PUS7: variants seen among roughly 807,000 people sequenced by gnomAD.
PUS7 encodes pseudouridine synthase 7, also known as pseudouridylate synthase 7 homolog.
Under a neutral mutation model 79.8 loss-of-function variants are expected in PUS7, and 48 were observed. That is an observed-to-expected ratio of 0.60 (90% CI 0.48 to 0.76). The LOEUF (loss-of-function observed/expected upper bound fraction) is 0.76. Ranked by LOEUF, PUS7 falls within the 30% of genes least tolerant of loss-of-function variation. PUS7 has a pLI of 0.00. For synonymous variants in PUS7, 286 were observed against 272.2 expected (o/e 1.05, Z -0.50); for missense variants, 729 against 797.6 (o/e 0.91, Z 1.04).
At chr7:105,510,995 T>C (rs1363978419) in intron 1 of PUS7, among the ~76,000 whole-genome samples, 2 of 152,100 alleles carry the variant, frequency 1.3e-5, no homozygotes, top group East Asian at 3.9e-4. Flanking sequence ...TATATAAGCA[T>C]CTACAGCAAA....
In PUS7 at chr7:105,508,287, C is replaced by G. The variant is rs141121953; in HGVS notation, c.226G>C (p.Ala76Pro). The G allele has an allele frequency of 5.6e-6, 9 of 1,614,000 alleles. No homozygotes were observed. The highest frequency in any genetic ancestry group is 5.3e-5 in the African/African-American group (4 of 74,902). The change falls in exon 2 of 16, where the codon GCT becomes CCT. Residue 76 changes from alanine (A) to proline (P), a missense_variant. By Grantham distance (27) the Ala-to-Pro change is conservative (BLOSUM62 -1). Coordinates refer to ENST00000469408, the MANE Select transcript of PUS7 (RefSeq NM_019042.5). ...TCTTCTTCCTCATCTTCCAACTGAG[C>G]CTCAGAATTCTTTCCACCTTTCCCA... ...STGKGGKNSE[A>P]QLEDEEEEEE...
intron 7 of PUS7, among the ~76,000 whole-genome samples, chr7:105,485,184 T>C (rs1025078379): frequency 6.6e-6 from 1 of 151,386 alleles, no homozygotes; most frequent in African/African-American, 2.4e-5. Context: ...ATCTCAAATG[T>C]AAGTAGAGTA....
At chr7:105,518,791 C>T (rs1030464579) in intron 1 of PUS7, among the ~76,000 whole-genome samples, 1 of 151,846 alleles carries the variant, frequency 6.6e-6, no homozygotes, top group Non-Finnish European at 1.5e-5. Context: ...TTTTTTGAGA[C>T]GGAGTCTCAC....
intron 7 of PUS7, among the ~76,000 whole-genome samples, chr7:105,488,061 C>A (rs74354151): frequency 0.023 from 3,472 of 152,180 alleles, 51 homozygotes; most frequent in Non-Finnish European, 0.034. Flanking sequence ...GTGCTGTGTG[C>A]TTTCAGAGGG....
rs192286860 is a variant in PUS7 at position 105,493,868 on chromosome 7, T to C, written c.842+1274A>G. Among the ~76,000 whole-genome samples the C allele has an allele frequency of 8.7e-4, 132 of 152,362 alleles. 1 individual carries two copies. Among genetic ancestry groups the C allele is most frequent in the African/African-American group, 2.8e-3 (116 of 41,584 alleles). ...CTAGAAGCATATGAAAAGTAATTTC[T>C]GTTAAGCCACCTGATCTGTGGTATT... On this transcript the variant is annotated intron_variant, in intron 6 of 15. Transcript: ENST00000469408.
At chr7:105,496,218 T>TAGAGAGAGAGAGAG (rs1309951962) in intron 5 of PUS7, among the ~76,000 whole-genome samples, 1 of 81,838 alleles carries the variant, frequency 1.2e-5, no homozygotes, top group East Asian at 3.8e-4. Context: ...TATATATATA[T>TAGAGAGAGAGAGAG]ATATATATAG....
intron 5 of PUS7, among the ~76,000 whole-genome samples, chr7:105,499,351 T>C (rs138753143): frequency 6.6e-6 from 1 of 152,314 alleles, no homozygotes; most frequent in Non-Finnish European, 1.5e-5. Context: ...CTCCTGAGTC[T>C]CTATGGATTC....
chr7:105,502,630 G>C, intron 4 of PUS7, 66 bp from the exon 5 acceptor site: 1 of 1,539,786 alleles, frequency 6.5e-7, no homozygotes, highest in Non-Finnish European at 8.9e-7. Context: ...GTAATACAGT[G>C]AATTAGTAAA....
chr7:105,481,248 A>G (rs1359615497), intron 8 of PUS7, 71 bp from the exon 9 acceptor site: 4 of 1,384,196 alleles, frequency 2.9e-6, no homozygotes, highest in Middle Eastern at 3.7e-4. Context: ...CTCATAAATG[A>G]CTACGGCCTG....
intron 12 of PUS7, among the ~76,000 whole-genome samples, chr7:105,466,847 T>C (rs767774860): frequency 4.0e-5 from 6 of 151,156 alleles, no homozygotes; most frequent in Non-Finnish European, 8.8e-5. Flanking sequence ...CAACATGGCA[T>C]GAGGAAAAGA....
rs1169103716 is a variant in PUS7 at position 105,468,332 on chromosome 7, T to C, written c.1525+5A>G. On this transcript the variant is annotated splice_donor_5th_base_variant and intron_variant, in intron 12 of 15. Coordinates refer to ENST00000469408, the MANE Select transcript of PUS7 (RefSeq NM_019042.5). The stretch of plus-strand genomic sequence containing the variant: ...GCTGAGTAACAAAGACATCTGCCTT[T>C]TTACCTCCTTTGAGAACGAGGTCCC... 5 of 1,610,164 alleles carry C rather than the reference T, an allele frequency of 3.1e-6. No individual in the cohort carries two copies. Among genetic ancestry groups the C allele is most frequent in the Non-Finnish European group, 4.2e-6 (5 of 1,178,918 alleles).
chr7:105,472,920 CTTTT>C (rs758552553), intron 9 of PUS7, among the ~76,000 whole-genome samples: 2 of 116,408 alleles, frequency 1.7e-5, no homozygotes, highest in Non-Finnish European at 3.5e-5. Context: ...TGCCCAGCTA[CTTTT>C]TTTTTTTTTT....
In PUS7 at chr7:105,481,169, G is replaced by C. The variant is rs1459125194; in HGVS notation, c.1058C>G (p.Thr353Arg). 3 of 1,606,602 alleles carry C rather than the reference G, an allele frequency of 1.9e-6. No individual in the cohort carries two copies. Among genetic ancestry groups the C allele is most frequent in the Non-Finnish European group, 2.5e-6 (3 of 1,177,230 alleles). The change falls in exon 9 of 16, where the codon ACA becomes AGA. Residue 353 changes from threonine (T) to arginine (R), a missense_variant. Coordinates refer to ENST00000469408, the MANE Select transcript of PUS7 (RefSeq NM_019042.5). ...TTGCTGTACTTGGTCATCAGTTCCT[G>C]TTATATTTCTACAGGGACACAAATT... ...NHFTVVLRNI[T>R]GTDDQVQQAM...
chr7:105,487,842 C>G (rs1205652256), intron 7 of PUS7, among the ~76,000 whole-genome samples: 1 of 152,180 alleles, frequency 6.6e-6, no homozygotes. Flanking sequence ...GCCTGAGACC[C>G]TGTTAAAATT....
chr7:105,510,706 G>C, intron 1 of PUS7, among the ~76,000 whole-genome samples: 1 of 151,958 alleles, frequency 6.6e-6, no homozygotes, highest in East Asian at 1.9e-4. Flanking sequence ...GTAGAGACAG[G>C]GGTTCACCAT....
In PUS7 at chr7:105,459,247, T is replaced by C; in HGVS notation, c.1770A>G (p.Ala590=). Residue 590 remains alanine, a synonymous_variant, in exon 15 of 16, where the codon GCA becomes GCG. Transcript: ENST00000469408. The part of the protein sequence containing the change: ...RPQNVSWEVV[A]YDDPKIPLFN... ...AAAGTGGAATTTTGGGATCATCATA[T>C]GCAACGACTTCCCTTCAAAACATAT... The C allele has an allele frequency of 1.9e-6, 3 of 1,609,640 alleles. No individual in the cohort carries two copies. The highest frequency in any genetic ancestry group is 2.5e-6 in the Non-Finnish European group (3 of 1,176,596).
At chr7:105,476,116 T>C (rs1586114532) in intron 9 of PUS7, among the ~76,000 whole-genome samples, 2 of 93,160 alleles carry the variant, frequency 2.1e-5, no homozygotes, top group African/African-American at 4.6e-5. Flanking sequence ...AGAGCAAGAC[T>C]CCGTCTCAAA....
intron 9 of PUS7, among the ~76,000 whole-genome samples, chr7:105,472,489 C>T (rs998668625): frequency 2.6e-5 from 4 of 152,232 alleles, no homozygotes; most frequent in Non-Finnish European, 5.9e-5. Flanking sequence ...CCCACCTTGG[C>T]CTCCCAAAGT....
In PUS7 at chr7:105,470,372, G is replaced by C. The variant is rs373958413; in HGVS notation, c.1398+316C>G. 9 of 202,992 alleles carry C rather than the reference G, an allele frequency of 4.4e-5. No individual in the cohort carries two copies. In the East Asian group the frequency reaches 5.7e-4, roughly 13 times the overall value. The allele number at this position is 202,992 out of a possible 1,614,324, so 12.6% of individuals were successfully genotyped here. A position where few individuals can be genotyped will look rare whatever the true frequency, so the allele number is the denominator to read the frequency against. The stretch of plus-strand genomic sequence containing the variant: ...CAGTTTACAGTTCTGGTAACGGAAT[G>C]ATCAAGAAATGACTATACAATAGAT... On this transcript the variant is annotated intron_variant, in intron 11 of 15. Transcript: ENST00000469408.
Sources: allele counts gnomAD v4.1 joint callset (sites outside exome capture counted in the v4.1 genomes callset), GRCh38; gene constraint gnomAD v4.1.1; transcripts MANE v1.5; gene names NCBI Gene and HGNC (gene_info 2026-07-23, HGNC 2026-07-21).